The following CDC42BPA variants were observed in gnomAD, a reference collection of about 807,000 sequenced individuals.
CDC42BPA encodes the protein serine/threonine-protein kinase MRCK alpha.
Under a neutral mutation model 223.5 loss-of-function variants are expected in CDC42BPA, and 80 were observed. The observed-to-expected ratio is 0.36, with a 90% CI of 0.30 to 0.43. The LOEUF (loss-of-function observed/expected upper bound fraction) is 0.43. Among genes scored for constraint, CDC42BPA ranks in the 20% least tolerant of loss-of-function variants. CDC42BPA has a pLI of 1.00. For synonymous variants in CDC42BPA, 694 were observed against 718.6 expected, an observed-to-expected ratio of 0.97 and a Z score of 0.55; for missense variants, 1,743 against 2,099.9, an observed-to-expected ratio of 0.83 and a Z score of 3.32.
intron 2 of CDC42BPA, among the ~76,000 whole-genome samples, chr1:227,224,724 GA>G (rs1407499262): frequency 1.3e-5 from 2 of 152,176 alleles, no homozygotes; most frequent in Non-Finnish European, 2.9e-5. Flanking sequence ...CATTATTGTG[GA>G]TTAGAAAACT....
intron 35 of CDC42BPA, among the ~76,000 whole-genome samples, chr1:226,998,932 C>CAAGATAT (rs1572148761): frequency 6.6e-6 from 1 of 152,174 alleles, no homozygotes; most frequent in East Asian, 1.9e-4. Context: ...CTACAAGGAA[C>CAAGATAT]TTAAACAAAT....
At chr1:227,081,046 C>T in intron 16 of CDC42BPA, 29 bp from the exon 17 acceptor site, 2 of 1,609,812 alleles carry the variant, frequency 1.2e-6, no homozygotes, top group Non-Finnish European at 8.5e-7. Flanking sequence ...ACATGCATGA[C>T]TTTTAGGACC....
chr1:227,264,770 T>C, intron 1 of CDC42BPA: 9 of 966,470 alleles, frequency 9.3e-6, no homozygotes, highest in Non-Finnish European at 1.5e-5. Flanking sequence ...TCTTCCAAGC[T>C]TTAAAGAATC....
chr1:227,089,989 CAAATT>C (rs1682779626), intron 16 of CDC42BPA, among the ~76,000 whole-genome samples: 2 of 150,700 alleles, frequency 1.3e-5, no homozygotes, highest in African/African-American at 4.9e-5. Context: ...ATTTTGTAAT[CAAATT>C]AGTCAACACA....
In CDC42BPA at chr1:227,119,878, C is replaced by T. The variant is rs200713147; in HGVS notation, c.1573G>A (p.Asp525Asn). ...EANAVRQELD[D>N]AFRQIKAYEK... ...TAAGCCTTGATTTGTCTAAAAGCAT[C>T]ATCTAGTTCTTGCCTCACAGCATTA... Residue 525 changes from aspartate to asparagine, a missense_variant, in exon 12 of 37, where the codon GAT (aspartate) becomes AAT (asparagine). By Grantham distance (23) the Asp-to-Asn change is conservative. This residue lies in a region of CDC42BPA where 464 missense variants were observed against 488.0 expected (regional missense o/e 0.95). Coordinates refer to ENST00000366766, the MANE Select transcript of CDC42BPA (RefSeq NM_001394014.1). 2 of 1,603,632 alleles carry T rather than the reference C, an allele frequency of 1.2e-6. No individual in the cohort carries two copies. Among genetic ancestry groups the T allele is most frequent in the Admixed American group, 1.7e-5 (1 of 58,868 alleles).
At chr1:227,136,068 CAGAA>C (rs111904726) in intron 10 of CDC42BPA, among the ~76,000 whole-genome samples, 23,332 of 151,522 alleles carry the variant, frequency 0.15, 2,141 homozygotes, top group African/African-American at 0.25. Context: ...AAGAAAAAAA[CAGAA>C]AGGCAGGCTC....
In CDC42BPA at chr1:227,260,821, T is replaced by C. The variant is rs909058053; in HGVS notation, c.179-6666A>G. 4.0e-5 allele frequency among the ~76,000 whole-genome samples: 6 copies of C among 150,888 alleles called. No individual in the cohort carries two copies. In the East Asian group the frequency reaches 7.7e-4, roughly 19 times the overall value. Reference sequence around the variant, plus strand: ...TAACATAAGAATCTGGAACCAACAGTAGGGCAGGAAAAGAGAATAATCCAT... The same window carrying C: ...TAACATAAGAATCTGGAACCAACAGCAGGGCAGGAAAAGAGAATAATCCAT... On this transcript the variant is annotated intron_variant, in intron 1 of 36. Coordinates refer to ENST00000366766, the MANE Select transcript of CDC42BPA (RefSeq NM_001394014.1).
In CDC42BPA at chr1:227,142,927, T is replaced by A; in HGVS notation, c.1223+18A>T. Reference sequence around the variant, plus strand: ...GCCACTGCACTTGGCCCAAACTATGTTAACTTTTCAAACTTACCAGCTACT... The same window carrying A: ...GCCACTGCACTTGGCCCAAACTATGATAACTTTTCAAACTTACCAGCTACT... On this transcript the variant is annotated intron_variant, in intron 9 of 36. Transcript: ENST00000366766. 2 of 1,537,370 alleles carry A rather than the reference T, an allele frequency of 1.3e-6. No homozygotes were observed. Among genetic ancestry groups the A allele is most frequent in the Non-Finnish European group, 1.7e-6 (2 of 1,144,922 alleles).
In CDC42BPA at chr1:227,179,007, T is replaced by C. The variant is rs189238345; in HGVS notation, c.599+14779A>G. ...CAGGCAGTCTACCTGGTTGAGATCA[T>C]ATGTCCTGACATATCCTACAACATG... is the stretch of plus-strand genomic sequence containing the variant. On this transcript the variant is annotated intron_variant, in intron 5 of 36. Transcript: ENST00000366766. 5.1e-3 allele frequency among the ~76,000 whole-genome samples: 777 copies of C among 152,324 alleles called. 32 individuals are homozygous for C. The highest frequency in any genetic ancestry group is 0.044 in the Admixed American group (680 of 15,298).
At chr1:227,155,378 C>G (rs1662551288) in intron 6 of CDC42BPA, among the ~76,000 whole-genome samples, 1 of 152,188 alleles carries the variant, frequency 6.6e-6, no homozygotes, top group Admixed American at 6.5e-5. Context: ...AGGCATTTTT[C>G]AGACATGGAA....
At chr1:227,134,438 C>T (rs552486235) in intron 10 of CDC42BPA, among the ~76,000 whole-genome samples, 4 of 152,270 alleles carry the variant, frequency 2.6e-5, no homozygotes, top group East Asian at 3.9e-4. Context: ...TTACTCTTTT[C>T]GTCTCCATAC....
chr1:227,079,608 ATAAAT>A (rs1007599958), intron 17 of CDC42BPA, among the ~76,000 whole-genome samples: 11 of 152,188 alleles, frequency 7.2e-5, no homozygotes, highest in African/African-American at 2.7e-4. Flanking sequence ...TGATATAGAT[ATAAAT>A]TAATGAACCA....
At chr1:227,037,900 CAA>C (rs2148728682) in intron 24 of CDC42BPA, among the ~76,000 whole-genome samples, 1 of 152,136 alleles carries the variant, frequency 6.6e-6, no homozygotes, top group Admixed American at 6.5e-5. Flanking sequence ...AATGAGACAT[CAA>C]TTTGAAAAGA....
Position 226,994,345 on chromosome 1 carries a change from G to T in CDC42BPA, c.5188C>A (p.Pro1730Thr). The T allele has an allele frequency of 6.3e-7, 1 of 1,597,024 alleles. No homozygotes were observed. The highest frequency in any genetic ancestry group is 8.5e-7 in the Non-Finnish European group (1 of 1,170,374). ...TASNSSNLSS[P>T]PSPASPRKTK... ...TTTCGGGGTGAAGCTGGGCTTGGGG[G>T]GCTGCTTAGGTTGGAACTGTTGGAA... Residue 1730 changes from proline (P) to threonine (T), a missense_variant, in exon 37 of 37, where the codon CCC (proline) becomes ACC (threonine). By Grantham distance (38) the Pro-to-Thr change is conservative. This residue lies in a region of CDC42BPA where 200 missense variants were observed against 192.8 expected (regional missense o/e 1.04). Transcript: ENST00000366766. This position sits in a 1 kb window ranked among gnomAD's most constrained non-coding sequence, Gnocchi z 4.0.
chr1:227,242,859 A>G (rs1680250612), intron 2 of CDC42BPA, among the ~76,000 whole-genome samples: 1 of 152,218 alleles, frequency 6.6e-6, no homozygotes, highest in Non-Finnish European at 1.5e-5. Flanking sequence ...TTCTCTTATA[A>G]AGACACAAGC....
intron 17 of CDC42BPA, among the ~76,000 whole-genome samples, chr1:227,075,381 C>G (rs1398876924): frequency 6.6e-6 from 1 of 152,156 alleles, no homozygotes; most frequent in Non-Finnish European, 1.5e-5. Context: ...AGAATGTAAA[C>G]TCCTGAGGAG....
chr1:227,125,447 A>G (rs1689392504), intron 11 of CDC42BPA, among the ~76,000 whole-genome samples: 1 of 151,978 alleles, frequency 6.6e-6, no homozygotes, highest in Non-Finnish European at 1.5e-5. Context: ...CCCCGTCTCT[A>G]CTAAAAATAC....
intron 5 of CDC42BPA, among the ~76,000 whole-genome samples, chr1:227,182,085 C>T (rs747488324): frequency 6.6e-6 from 1 of 152,130 alleles, no homozygotes; most frequent in African/African-American, 2.4e-5. Context: ...TGATTTTCCT[C>T]CTAACCTCTG....
intron 16 of CDC42BPA, among the ~76,000 whole-genome samples, chr1:227,089,651 T>A (rs11799761): frequency 1.4e-3 from 168 of 118,882 alleles, no homozygotes; most frequent in Admixed American, 2.6e-3. Flanking sequence ...TTTTTTTTTT[T>A]AAAAACAAAC....
Sources: gnomAD v4.1 joint callset for allele counts (sites outside exome capture counted in the v4.1 genomes callset) on GRCh38, gnomAD v4.1.1 for gene constraint, gnomAD v4.1.1 regional missense constraint, Gnocchi (gnomAD v3.1) non-coding constraint, MANE v1.5 for transcripts, NCBI Gene and HGNC (gene_info 2026-07-23, HGNC 2026-07-21) for gene names.